Variants in ADAM23 observed in about 807,000 individuals in gnomAD.
ADAM23 encodes the protein ADAM metallopeptidase domain 23, also known as disintegrin and metalloproteinase domain-containing protein 23.
A neutral mutation model predicts 120.1 loss-of-function variants in ADAM23; 33 were observed. The ratio of observed to expected loss-of-function variants is 0.27; its 90% confidence interval spans 0.21 to 0.37. The LOEUF is 0.37. Ranked by LOEUF, ADAM23 falls within the 10% of genes least tolerant of loss-of-function variation. The pLI is 1.00. For missense variants in ADAM23, 862 were observed against 1,058.2 expected (o/e 0.81, Z 2.57); for synonymous variants, 367 against 375.2 (o/e 0.98, Z 0.25).
At chr2:206,548,146 A>G (rs1697437532) in intron 7 of ADAM23, 135 bp from the exon 8 acceptor site, 4 of 705,132 alleles carry the variant, frequency 5.7e-6, no homozygotes, top group Non-Finnish European at 9.4e-6. Flanking sequence ...TGTGAAATAT[A>G]TAATGATCAG....
At chr2:206,537,725 T>C (rs1697207306) in intron 4 of ADAM23, among the ~76,000 whole-genome samples, 1 of 152,210 alleles carries the variant, frequency 6.6e-6, no homozygotes, top group Admixed American at 6.5e-5. Context: ...TTAAAGTTTG[T>C]ATTTCCACTC....
chr2:206,456,273 CACTTA>C (rs1283165239), intron 2 of ADAM23, among the ~76,000 whole-genome samples: 2 of 152,050 alleles, frequency 1.3e-5, no homozygotes, highest in African/African-American at 4.8e-5. Context: ...AAGTGCCACA[CACTTA>C]AACCATCAGC....
Position 206,510,833 on chromosome 2 carries a change from G to A in ADAM23, c.510-20052G>A, listed in dbSNP as rs566309160. Among the ~76,000 whole-genome samples the A allele has an allele frequency of 8.5e-5, 13 of 152,212 alleles. No homozygotes were observed. The South Asian group carries it at 2.7e-3, about 32-fold the overall frequency. ...AGAGCTCGCTTTTTCAGCCTTAGAT[G>A]GTCATATGATTTTTCTTTATCAGTA... is the stretch of plus-strand genomic sequence containing the variant. On this transcript the variant is annotated intron_variant, in intron 3 of 25. Coordinates refer to ENST00000264377, the MANE Select transcript of ADAM23 (RefSeq NM_003812.4).
chr2:206,567,440 A>G, intron 15 of ADAM23, 118 bp downstream of exon 15: 1 of 691,794 alleles, frequency 1.4e-6, no homozygotes, highest in Non-Finnish European at 2.3e-6. Flanking sequence ...AATCAGATTA[A>G]TATTTAGTTA....
At chr2:206,534,456 C>T (rs886931389) in intron 4 of ADAM23, among the ~76,000 whole-genome samples, 1 of 151,886 alleles carries the variant, frequency 6.6e-6, no homozygotes, top group African/African-American at 2.4e-5. Flanking sequence ...AGCTAATGAA[C>T]ACACCCATCA....
chr2:206,520,328 A>C (rs549265085), intron 3 of ADAM23, among the ~76,000 whole-genome samples: 1 of 152,318 alleles, frequency 6.6e-6, no homozygotes, highest in South Asian at 2.1e-4. Context: ...GGAAGAGAGC[A>C]CACAAAAGAC....
intron 3 of ADAM23, among the ~76,000 whole-genome samples, chr2:206,505,876 G>A: frequency 6.6e-6 from 1 of 152,182 alleles, no homozygotes; most frequent in Non-Finnish European, 1.5e-5. Flanking sequence ...TCCACCGGCT[G>A]TCTAAAGAGG....
chr2:206,559,233 C>T (rs1055189529), intron 10 of ADAM23, among the ~76,000 whole-genome samples: 23 of 152,172 alleles, frequency 1.5e-4, no homozygotes, highest in African/African-American at 4.6e-4. Context: ...CGTGAGCTAC[C>T]GCGCCTGGCC....
At chr2:206,520,649 C>T (rs1559245793) in intron 3 of ADAM23, among the ~76,000 whole-genome samples, 1 of 152,050 alleles carries the variant, frequency 6.6e-6, no homozygotes. Context: ...GGTCTCTTGC[C>T]GTTCTCTCCT....
At chr2:206,539,704 A>T (rs1393589100) in intron 4 of ADAM23, among the ~76,000 whole-genome samples, 1 of 152,124 alleles carries the variant, frequency 6.6e-6, no homozygotes, top group Non-Finnish European at 1.5e-5. Context: ...CACTTCTGTT[A>T]TGCTTGGCAC....
intron 3 of ADAM23, among the ~76,000 whole-genome samples, chr2:206,518,466 C>T (rs1696778673): frequency 6.6e-6 from 1 of 152,024 alleles, no homozygotes; most frequent in East Asian, 1.9e-4. Flanking sequence ...CTTATATTTT[C>T]AGTATATTTA....
At chr2:206,514,404 G>T (rs991147559) in intron 3 of ADAM23, among the ~76,000 whole-genome samples, 1 of 152,190 alleles carries the variant, frequency 6.6e-6, no homozygotes, top group Admixed American at 6.5e-5. Flanking sequence ...AGTCACTGCA[G>T]ACGTGGTAGA....
rs986085989 is a variant in ADAM23 at position 206,456,046 on chromosome 2, A to T, written c.432+10522A>T. Among the ~76,000 whole-genome samples the T allele has an allele frequency of 2.0e-5, 3 of 152,120 alleles. No individual in the cohort carries two copies. In the East Asian group the frequency reaches 5.8e-4, roughly 29 times the overall value. Reference sequence around the variant, plus strand: ...TTTATAACAATGTTCCACTCCTGGTACCAATTTTCTGTATTAGTTCGTTCT... The same window carrying T: ...TTTATAACAATGTTCCACTCCTGGTTCCAATTTTCTGTATTAGTTCGTTCT... On this transcript the variant is annotated intron_variant, in intron 2 of 25. Coordinates refer to ENST00000264377, the MANE Select transcript of ADAM23 (RefSeq NM_003812.4).
chr2:206,470,563 A>G (rs1005147706), intron 2 of ADAM23, among the ~76,000 whole-genome samples: 1 of 152,182 alleles, frequency 6.6e-6, no homozygotes, highest in Non-Finnish European at 1.5e-5. Context: ...TGTAGTACAC[A>G]TTTGTTTTGA....
intron 2 of ADAM23, among the ~76,000 whole-genome samples, chr2:206,455,494 A>G (rs905260106): frequency 4.6e-5 from 7 of 152,242 alleles, no homozygotes; most frequent in Non-Finnish European, 1.0e-4. Flanking sequence ...AAGCTTCTGC[A>G]GCAGGCTTGA....
At chr2:206,458,008 A>G (rs1380310678) in intron 2 of ADAM23, among the ~76,000 whole-genome samples, 1 of 152,190 alleles carries the variant, frequency 6.6e-6, no homozygotes, top group African/African-American at 2.4e-5. Flanking sequence ...AAAGCAAGGA[A>G]ATTGGCATTT....
intron 2 of ADAM23, among the ~76,000 whole-genome samples, chr2:206,478,793 G>A (rs918453852): frequency 6.6e-6 from 1 of 152,072 alleles, no homozygotes; most frequent in Non-Finnish European, 1.5e-5. Flanking sequence ...ATTTTGACTC[G>A]ATTTTTATAA....
At position 206,588,100 on chromosome 2, in the gene ADAM23, T is replaced by C. The variant is rs753081854; in HGVS notation, c.1798T>C (p.Tyr600His). 12 of 1,614,002 alleles carry C rather than the reference T, an allele frequency of 7.4e-6. No homozygotes were observed. The South Asian group carries it at 1.2e-4, about 16-fold the overall frequency. ...GTGCTCCTGTCCCCAGGGCCGCTGCTACAATGGCGAGTGCAAGACCAGAGA... is the reference window on the plus strand; with the variant it reads ...GTGCTCCTGTCCCCAGGGCCGCTGCCACAATGGCGAGTGCAAGACCAGAGA... ...YACNQNQGRC[Y>H]NGECKTRDNQ... is the part of the protein sequence containing the mutation. The change falls in exon 20 of 26, where the codon TAC becomes CAC. Residue 600 changes from tyrosine to histidine, a missense_variant. Physicochemically the swap from Tyr to His is moderately conservative, Grantham distance 83 (BLOSUM62 2). This residue lies in a region of ADAM23 where 617 missense variants were observed against 813.5 expected (regional missense o/e 0.76). Transcript: ENST00000264377.
At chr2:206,578,342 C>T (rs1698158546) in intron 18 of ADAM23, among the ~76,000 whole-genome samples, 1 of 151,622 alleles carries the variant, frequency 6.6e-6, no homozygotes, top group Admixed American at 6.6e-5. Flanking sequence ...GTCTTTTATC[C>T]CTCACCCCCC....
Sources: allele counts gnomAD v4.1 joint callset (sites outside exome capture counted in the v4.1 genomes callset), GRCh38; gene constraint gnomAD v4.1.1; regional missense constraint gnomAD v4.1.1; transcripts MANE v1.5; gene names NCBI Gene and HGNC (gene_info 2026-07-23, HGNC 2026-07-21).